JARID2: variants seen among roughly 807,000 people sequenced by gnomAD.
The protein encoded by JARID2 is jumonji and AT-rich interaction domain containing 2, also known as protein Jumonji.
JARID2 carries 21 observed loss-of-function variants against 125.6 expected under a neutral mutation model. The ratio of observed to expected loss-of-function variants is 0.17; its 90% CI spans 0.12 to 0.24. The LOEUF (loss-of-function observed/expected upper bound fraction) is 0.24. JARID2 is among the 10% of genes least tolerant of loss of function. JARID2 has a pLI of 1.00. For missense variants in JARID2, 1,303 were observed against 1,639.6 expected, an observed-to-expected ratio of 0.79 and a Z score of 3.55; for synonymous variants, 736 against 661.6, an observed-to-expected ratio of 1.11 and a Z score of -1.73.
intron 3 of JARID2, among the ~76,000 whole-genome samples, chr6:15,422,500 G>A (rs769657753): frequency 5.9e-5 from 9 of 152,144 alleles, no homozygotes; most frequent in Non-Finnish European, 1.2e-4. Context: ...AGCAATTCTC[G>A]CTGGGCTGTG....
chr6:15,350,657 C>T (rs1240143469), intron 1 of JARID2, among the ~76,000 whole-genome samples: 4 of 151,552 alleles, frequency 2.6e-5, no homozygotes, highest in African/African-American at 4.9e-5. Flanking sequence ...GTTGGGCCTT[C>T]ACTGATTGCA....
intron 2 of JARID2, among the ~76,000 whole-genome samples, chr6:15,384,460 C>G (rs541000307): frequency 6.6e-6 from 1 of 151,576 alleles, no homozygotes; most frequent in Admixed American, 6.6e-5. Context: ...TTCTGTTGTC[C>G]GCTTGCCCCT....
intron 1 of JARID2, among the ~76,000 whole-genome samples, chr6:15,263,377 C>A (rs935802776): frequency 2.0e-5 from 3 of 152,026 alleles, no homozygotes; most frequent in African/African-American, 7.3e-5. Flanking sequence ...GAAATTATCC[C>A]TGATTTTCTT....
At chr6:15,504,092 TC>T (rs1486442656) in intron 8 of JARID2, among the ~76,000 whole-genome samples, 3 of 152,212 alleles carry the variant, frequency 2.0e-5, no homozygotes. Flanking sequence ...GGTCACGAGT[TC>T]CATCAGGTCA....
chr6:15,259,840 G>C lies in JARID2; in HGVS notation c.45+13256G>C, dbSNP rs561591325. ...AAGGATTTTAAAGCCACGATGAGCT[G>C]TCATTCCAGGAGCAAATAATTTTTA... On this transcript the variant is annotated intron_variant, in intron 1 of 17. Transcript: ENST00000341776. Among the ~76,000 whole-genome samples the C allele has an allele frequency of 1.1e-4, 17 of 152,298 alleles. No homozygotes were observed. In the South Asian group the frequency reaches 2.9e-3, roughly 26 times the overall value.
intron 3 of JARID2, among the ~76,000 whole-genome samples, chr6:15,430,133 ATC>A (rs1766908229): frequency 6.6e-6 from 1 of 152,350 alleles, no homozygotes; most frequent in South Asian, 2.1e-4. Flanking sequence ...TAACCTCTGC[ATC>A]TATGTCCATG....
intron 2 of JARID2, among the ~76,000 whole-genome samples, chr6:15,383,784 G>A (rs1764680719): frequency 6.6e-6 from 1 of 151,944 alleles, no homozygotes; most frequent in Non-Finnish European, 1.5e-5. Flanking sequence ...CTGCTTGACT[G>A]CTGCATTTTG....
Position 15,457,170 on chromosome 6 carries a change from G to C in JARID2, c.493+4995G>C, listed in dbSNP as rs539200778. On this transcript the variant is annotated intron_variant, in intron 4 of 17. Transcript: ENST00000341776. Reference sequence around the variant, plus strand: ...AAATGCCTGTCATTTCATTTTAATAGCTTATGTTCCATTTGGTGAATGTCT... The same window carrying C: ...AAATGCCTGTCATTTCATTTTAATACCTTATGTTCCATTTGGTGAATGTCT... 2.2e-3 allele frequency among the ~76,000 whole-genome samples: 328 copies of C among 152,132 alleles called. 1 individual carries two copies. The highest frequency in any genetic ancestry group is 7.2e-3 in the African/African-American group (298 of 41,510).
At position 15,500,995 on chromosome 6, in the gene JARID2, C is replaced by A. The variant is rs1261511825; in HGVS notation, c.2034C>A (p.Asn678Lys). ...AAGTGACTGACCTCAAAAAATGGAA[C>A]AAACTAGCAGACATGCTGCGCATCC... ...MQQVTDLKKW[N>K]KLADMLRIPR... Residue 678 changes from asparagine to lysine, a missense_variant, in exon 8 of 18, where the codon AAC (asparagine) becomes AAA (lysine). Coordinates refer to ENST00000341776, the MANE Select transcript of JARID2 (RefSeq NM_004973.4). 3 of 1,614,092 alleles carry A rather than the reference C, an allele frequency of 1.9e-6. No individual in the cohort carries two copies. Among genetic ancestry groups the A allele is most frequent in the East Asian group, 4.5e-5 (2 of 44,878 alleles).
intron 2 of JARID2, among the ~76,000 whole-genome samples, chr6:15,410,011 ATTG>A (rs1400281316): frequency 6.6e-6 from 1 of 152,158 alleles, no homozygotes; most frequent in Non-Finnish European, 1.5e-5. Context: ...TACTGTTGAA[ATTG>A]TTTCCCTCTT....
chr6:15,347,609 C>T (rs1039376300), intron 1 of JARID2, among the ~76,000 whole-genome samples: 2 of 152,138 alleles, frequency 1.3e-5, no homozygotes, highest in African/African-American at 4.8e-5. Flanking sequence ...ATATTCTTCA[C>T]CAATTACACC....
intron 1 of JARID2, among the ~76,000 whole-genome samples, chr6:15,322,677 A>G (rs17619873): frequency 0.088 from 13,333 of 152,188 alleles, 702 homozygotes; most frequent in East Asian, 0.15. Flanking sequence ...TGGCTGACCC[A>G]AAACTTCTCT....
In JARID2 at chr6:15,306,043, ATCTT is replaced by A. The variant is rs527414185; in HGVS notation, c.45+59463_45+59466del. Among the ~76,000 whole-genome samples, 171 of 152,312 alleles carry A rather than the reference ATCTT, an allele frequency of 1.1e-3. 1 individual carries two copies. Among genetic ancestry groups the A allele is most frequent in the Admixed American group, 3.2e-3 (49 of 15,296 alleles). Reference sequence around the variant, plus strand: ...GTGGCCCACTTGTGGGACCAAATCTATCTTTCTAAACGTCAGATTTTTAGAAGCT... The same window carrying A: ...GTGGCCCACTTGTGGGACCAAATCTATCTAAACGTCAGATTTTTAGAAGCT... On this transcript the variant is annotated intron_variant, in intron 1 of 17. Coordinates refer to ENST00000341776, the MANE Select transcript of JARID2 (RefSeq NM_004973.4).
At chr6:15,354,761 G>GT (rs1170466044) in intron 1 of JARID2, among the ~76,000 whole-genome samples, 2 of 152,176 alleles carry the variant, frequency 1.3e-5, no homozygotes, top group Non-Finnish European at 2.9e-5. Flanking sequence ...TGGTAATGTA[G>GT]TTTGGAAACC....
intron 1 of JARID2, among the ~76,000 whole-genome samples, chr6:15,249,334 T>TGGGG (rs533540269): frequency 6.6e-6 from 1 of 151,708 alleles, no homozygotes; most frequent in Admixed American, 6.6e-5. Flanking sequence ...GGTACTACGG[T>TGGGG]GGGGGGGCTT....
chr6:15,496,734 G>C lies in JARID2; in HGVS notation c.1509G>C (p.Thr503=). The C allele has an allele frequency of 6.2e-7, 1 of 1,613,712 alleles. No individual in the cohort carries two copies. The highest frequency in any genetic ancestry group is 1.1e-5 in the South Asian group (1 of 91,080). ...SLERNRPKRA[T]AGKSTPGRQA... is the part of the protein sequence containing the mutation. ...AGAGGAATCGGCCGAAGCGGGCCAC[G>C]GCCGGGAAGAGCACGCCAGGCAGAC... is the stretch of plus-strand genomic sequence containing the variant. The change falls in exon 7 of 18, where the codon ACG becomes ACC. Residue 503 remains threonine (T), a synonymous_variant. Transcript: ENST00000341776.
In JARID2 at chr6:15,246,511, C is replaced by T; in HGVS notation, c.-29C>T. Reference sequence around the variant, plus strand: ...CTTTAAATTCATGAAGCAATTGTCCCCTTTTGCAATCAGCATTTGGATCTC... The same window carrying T: ...CTTTAAATTCATGAAGCAATTGTCCTCTTTTGCAATCAGCATTTGGATCTC... On this transcript the variant is annotated 5_prime_UTR_variant, in exon 1 of 18. Transcript: ENST00000341776. 10 of 1,603,198 alleles carry T rather than the reference C, an allele frequency of 6.2e-6. No individual in the cohort carries two copies. Among genetic ancestry groups the T allele is most frequent in the Non-Finnish European group, 8.5e-6 (10 of 1,171,744 alleles).
chr6:15,401,417 CTTTTA>C (rs1438714433), intron 2 of JARID2, among the ~76,000 whole-genome samples: 1 of 152,140 alleles, frequency 6.6e-6, no homozygotes, highest in East Asian at 1.9e-4. Context: ...TAGCTGGTCC[CTTTTA>C]TTTTATTACC....
chr6:15,258,282 G>A (rs1333687165), intron 1 of JARID2, among the ~76,000 whole-genome samples: 1 of 152,164 alleles, frequency 6.6e-6, no homozygotes, highest in Admixed American at 6.5e-5. Flanking sequence ...TTGGCAGCAG[G>A]GATGTGAAAC....
Sources: gnomAD v4.1 joint callset for allele counts (sites outside exome capture counted in the v4.1 genomes callset) on GRCh38, gnomAD v4.1.1 for gene constraint, MANE v1.5 for transcripts, NCBI Gene and HGNC (gene_info 2026-07-23, HGNC 2026-07-21) for gene names.